The following ACACA variants were observed in gnomAD, a reference collection of about 807,000 sequenced individuals.
ACACA encodes acetyl-CoA carboxylase 1.
In ACACA, 103 loss-of-function variants were observed where a neutral mutation model predicts 296.1. The ratio of observed to expected loss-of-function variants is 0.35; its 90% CI spans 0.30 to 0.41. The LOEUF (loss-of-function observed/expected upper bound fraction) is 0.41, where lower values mean the gene tolerates loss of function less well. ACACA is among the 10% of genes least tolerant of loss of function. The probability of loss-of-function intolerance (pLI) is 1.00; values close to 1 mark genes in which losing one functional copy is unlikely to be tolerated. For missense variants in ACACA, 1,554 were observed against 2,989.7 expected, an observed-to-expected ratio of 0.52 and a Z score of 11.20; for synonymous variants, 953 against 1,038.6, an observed-to-expected ratio of 0.92 and a Z score of 1.58.
intron 12 of ACACA, 41 bp downstream of exon 12, chr17:37,259,319 T>C: frequency 6.2e-7 from 1 of 1,613,092 alleles, no homozygotes; most frequent in Non-Finnish European, 8.5e-7. Flanking sequence ...CAGGCCTCTC[T>C]GACTTTTCTA....
At chr17:37,320,249 C>T (rs1463778414) in intron 3 of ACACA, among the ~76,000 whole-genome samples, 1 of 152,084 alleles carries the variant, frequency 6.6e-6, no homozygotes, top group Admixed American at 6.5e-5. Context: ...CAGTGGCTCA[C>T]GCCTGTAATC....
intron 42 of ACACA, 69 bp downstream of exon 42, chr17:37,161,712 C>T (rs2076468680): frequency 1.9e-6 from 3 of 1,570,328 alleles, no homozygotes; most frequent in South Asian, 1.1e-5. Context: ...CTCTACCCTT[C>T]CCCCACCTCT....
intron 1 of ACACA, among the ~76,000 whole-genome samples, chr17:37,352,193 C>T (rs1196311879): frequency 1.3e-5 from 2 of 152,034 alleles, no homozygotes; most frequent in African/African-American, 4.8e-5. Flanking sequence ...GCTGGGATTA[C>T]AGGGGTGAGC....
rs564785320 is a variant in ACACA at position 37,161,547 on chromosome 17, A to G, written c.5349+234T>C. ...TACCTACTATTTCATCTAGTGCTCA[A>G]CCAAAGAAACAGCAACCTGTTTTAT... On this transcript the variant is annotated intron_variant, in intron 42 of 55. Coordinates refer to ENST00000616317, the MANE Select transcript of ACACA (RefSeq NM_198834.3). The G allele has an allele frequency of 1.1e-3, 670 of 590,564 alleles. 4 individuals are homozygous for G. The highest frequency in any genetic ancestry group is 0.011 in the African/African-American group (597 of 53,950). 36.6% of individuals were successfully genotyped at this position (590,564 alleles called of 1,614,324 possible).
At chr17:37,282,915 G>A (rs1169897888) in intron 5 of ACACA, among the ~76,000 whole-genome samples, 1 of 152,044 alleles carries the variant, frequency 6.6e-6, no homozygotes, top group East Asian at 1.9e-4. Flanking sequence ...TAACGCATAA[G>A]GAAAAAACAG....
rs533398785 is a variant in ACACA, at chr17:37,130,340, T to C, written c.5680-122A>G. ...AAACAGAGATTTCAGTCTCCATGGG[T>C]TGGTTGTTCTGAGGGACTATCTGAA... On this transcript the variant is annotated intron_variant, in intron 45 of 55. Transcript: ENST00000616317. 99 of 1,265,760 alleles carry C rather than the reference T, an allele frequency of 7.8e-5. No homozygotes were observed. The African/African-American group carries it at 1.3e-3, about 17-fold the overall frequency. 78.4% of individuals were successfully genotyped at this position (1,265,760 alleles called of 1,614,324 possible). A position where few individuals can be genotyped will look rare whatever the true frequency, so the allele number is the denominator to read the frequency against.
intron 3 of ACACA, among the ~76,000 whole-genome samples, chr17:37,305,904 G>GTTTTTTTTTT (rs200591761): frequency 1.3e-4 from 12 of 95,826 alleles, no homozygotes; most frequent in Non-Finnish European, 2.4e-4. Context: ...TTTTTTTTTT[G>GTTTTTTTTTT]TTTTTTTTTT....
intron 1 of ACACA, among the ~76,000 whole-genome samples, chr17:37,400,166 C>T (rs2147846902): frequency 6.6e-6 from 1 of 152,246 alleles, no homozygotes; most frequent in Non-Finnish European, 1.5e-5. Flanking sequence ...GTTGCCCAGG[C>T]TGGAGTGCAG....
chr17:37,162,798 T>C (rs1389959048), intron 41 of ACACA: 1 of 169,382 alleles, frequency 5.9e-6, no homozygotes, highest in Non-Finnish European at 1.3e-5. Context: ...GGGAAAATTG[T>C]CTACTGTAGG....
intron 14 of ACACA, among the ~76,000 whole-genome samples, chr17:37,257,403 T>C (rs2146194490): frequency 6.6e-6 from 1 of 152,294 alleles, no homozygotes; most frequent in East Asian, 1.9e-4. Flanking sequence ...ATAACAATAC[T>C]GTTCCTGTGG....
intron 35 of ACACA, among the ~76,000 whole-genome samples, chr17:37,196,720 A>G (rs1245192607): frequency 2.0e-5 from 3 of 152,182 alleles, no homozygotes; most frequent in Non-Finnish European, 4.4e-5. Context: ...ACTAAGACAG[A>G]GTGAGTCAAT....
At chr17:37,368,442 A>G (rs11656221) in intron 1 of ACACA, among the ~76,000 whole-genome samples, 55,009 of 151,656 alleles carry the variant, frequency 0.36, 13,125 homozygotes, top group African/African-American at 0.67. Flanking sequence ...TTAGCTGGGC[A>G]TGGTGGCGGG....
intron 1 of ACACA, among the ~76,000 whole-genome samples, chr17:37,401,444 C>T (rs940647684): frequency 6.6e-6 from 1 of 151,964 alleles, no homozygotes; most frequent in African/African-American, 2.4e-5. Context: ...CCACCCGCCT[C>T]GGCCTCCCAT....
chr17:37,103,170 C>G (rs1170054144), intron 52 of ACACA, among the ~76,000 whole-genome samples: 2 of 152,194 alleles, frequency 1.3e-5, no homozygotes, highest in Non-Finnish European at 2.9e-5. Flanking sequence ...AGCAAAGCAG[C>G]CAGCCCCGGT....
intron 16 of ACACA, among the ~76,000 whole-genome samples, chr17:37,250,157 C>T (rs1175928701): frequency 6.6e-6 from 1 of 152,176 alleles, no homozygotes; most frequent in Non-Finnish European, 1.5e-5. Context: ...CAGACTAATA[C>T]ACATATATAT....
intron 1 of ACACA, among the ~76,000 whole-genome samples, chr17:37,372,338 A>G (rs2049837971): frequency 6.7e-6 from 1 of 149,924 alleles, no homozygotes; most frequent in Admixed American, 6.7e-5. Context: ...GTGTGAACCC[A>G]GGAGGCGGAG....
chr17:37,275,495 CAAA>C (rs34064045), intron 8 of ACACA, among the ~76,000 whole-genome samples: 2 of 61,642 alleles, frequency 3.2e-5, no homozygotes, highest in Non-Finnish European at 3.6e-5. Flanking sequence ...GACTCCAACT[CAAA>C]AAAAAAAAAA....
chr17:37,187,673 A>C (rs563377212), intron 39 of ACACA, among the ~76,000 whole-genome samples: 3 of 152,350 alleles, frequency 2.0e-5, no homozygotes, highest in Admixed American at 6.5e-5. Context: ...TAAATTTGCC[A>C]CTTTGCTCTT....
In ACACA at chr17:37,307,835, A is replaced by G. The variant is rs527748276; in HGVS notation, c.338+22338T>C. On this transcript the variant is annotated intron_variant, in intron 3 of 55. Coordinates refer to ENST00000616317, the MANE Select transcript of ACACA (RefSeq NM_198834.3). ...ACTCCTGAGCTCAGGCAATCCATCC[A>G]CCTTGGCCTCCCAAGGTGGTAAGAT... Among the ~76,000 whole-genome samples, 5 of 151,978 alleles carry G rather than the reference A, an allele frequency of 3.3e-5. No homozygotes were observed. The East Asian group carries it at 9.7e-4, about 29-fold the overall frequency.
Sources: allele counts gnomAD v4.1 joint callset (sites outside exome capture counted in the v4.1 genomes callset), GRCh38; gene constraint gnomAD v4.1.1; transcripts MANE v1.5; gene names NCBI Gene and HGNC (gene_info 2026-07-23, HGNC 2026-07-21).